MROH2A: variants seen among roughly 807,000 people sequenced by gnomAD.
MROH2A encodes the protein maestro heat like repeat family member 2A.
In MROH2A, 174 loss-of-function variants were observed where a neutral mutation model predicts 200.4. The ratio of observed to expected loss-of-function variants is 0.87; its 90% CI spans 0.77 to 0.98. The LOEUF is 0.98. MROH2A is among the 50% of genes least tolerant of loss of function. The pLI, the probability that MROH2A is intolerant of heterozygous loss-of-function variation, is 0.00. For missense variants in MROH2A, 2,045 were observed against 2,139.6 expected (o/e 0.96, Z 0.87); for synonymous variants, 829 against 840.4 (o/e 0.99, Z 0.23).
At chr2:233,804,592 A>C in intron 18 of MROH2A, 45 bp downstream of exon 18, 1 of 1,528,392 alleles carries the variant, frequency 6.5e-7, no homozygotes, top group Non-Finnish European at 8.9e-7. Flanking sequence ...GAGGAGAAAG[A>C]TGGGAGCAGA....
chr2:233,787,939 A>G (rs1372057170), intron 3 of MROH2A, among the ~76,000 whole-genome samples: 1 of 87,850 alleles, frequency 1.1e-5, no homozygotes, highest in Non-Finnish European at 1.9e-5. Context: ...TATTATATAT[A>G]CATATATATT....
Position 233,828,870 on chromosome 2 carries a change from G to A in MROH2A, c.4264-20G>A. 3 of 1,550,362 alleles carry A rather than the reference G, an allele frequency of 1.9e-6. No homozygotes were observed. The highest frequency in any genetic ancestry group is 8.7e-7 in the Non-Finnish European group (1 of 1,146,932). ...CCTGGGAGGGAGGGTGCAGGCTGAG[G>A]GCTGCCCATGCCCCTCCAGGTGAAG... On this transcript the variant is annotated intron_variant, in intron 36 of 41. Coordinates refer to ENST00000389758, the MANE Select transcript of MROH2A (RefSeq NM_001394639.1). The surrounding 1 kb of genome is among the most constrained non-coding windows in gnomAD (Gnocchi z 4.6).
chr2:233,819,260 T>A (rs535895599), intron 29 of MROH2A, 57 bp from the exon 30 acceptor site: 2 of 1,491,754 alleles, frequency 1.3e-6, no homozygotes, highest in Non-Finnish European at 1.8e-6. Flanking sequence ...GAGGAGAGAG[T>A]GTCAGCAGTC....
chr2:233,812,784 A>C (rs1703251795), intron 24 of MROH2A, among the ~76,000 whole-genome samples: 1 of 152,236 alleles, frequency 6.6e-6, no homozygotes, highest in Admixed American at 6.5e-5. Flanking sequence ...AGGGGCTACT[A>C]ACAAAAGCAA....
intron 8 of MROH2A, among the ~76,000 whole-genome samples, chr2:233,794,902 A>G (rs1702008313): frequency 1.3e-5 from 2 of 152,136 alleles, no homozygotes; most frequent in African/African-American, 4.8e-5. Flanking sequence ...TGAAGGCTCT[A>G]AGGAAGCAAG....
chr2:233,792,335 T>G (rs551400273), intron 5 of MROH2A, among the ~76,000 whole-genome samples: 17 of 149,134 alleles, frequency 1.1e-4, no homozygotes, highest in African/African-American at 4.3e-4. Flanking sequence ...TTTTTTGAGA[T>G]GGAGTCATGC....
intron 1 of MROH2A, among the ~76,000 whole-genome samples, chr2:233,778,769 T>A (rs1700791060): frequency 6.6e-6 from 1 of 152,222 alleles, no homozygotes; most frequent in Non-Finnish European, 1.5e-5. Flanking sequence ...GCGAGAGGGC[T>A]CTATTAAACT....
chr2:233,821,249 G>A (rs17868360), intron 31 of MROH2A, among the ~76,000 whole-genome samples: 66,871 of 152,020 alleles, frequency 0.44, 16,039 homozygotes, highest in South Asian at 0.58. Context: ...TGTCTTCCAG[G>A]ATTGTGTCAT....
chr2:233,811,064 A>G, intron 23 of MROH2A, 148 bp downstream of exon 23: 4 of 894,860 alleles, frequency 4.5e-6, no homozygotes, highest in Non-Finnish European at 6.6e-6. Context: ...TAACTGTAGG[A>G]GTTCTGAGAA....
At position 233,828,669 on chromosome 2, in the gene MROH2A, AAGCCGGCAGCTTTGCTGCTGG is replaced by A. The variant is rs764592426; in HGVS notation, c.4156_4176del (p.Pro1386_Glu1392del). 9.7e-6 allele frequency: 15 copies of A among 1,550,676 alleles called. No individual in the cohort carries two copies. Among genetic ancestry groups the A allele is most frequent in the South Asian group, 4.8e-5 (4 of 84,070 alleles). On this transcript the variant is annotated inframe_deletion, in exon 36 of 42. Transcript: ENST00000389758. The surrounding 1 kb of genome is among the most constrained non-coding windows in gnomAD (Gnocchi z 4.6). ...AGTTCTGTACCAGGAGAAGCTGCTGAAGCCGGCAGCTTTGCTGCTGGAGAAGGGTGCCGACCAGGAGGAAGA... is the reference window on the plus strand; with the variant it reads ...AGTTCTGTACCAGGAGAAGCTGCTGAAGAAGGGTGCCGACCAGGAGGAAGA...
intron 26 of MROH2A, among the ~76,000 whole-genome samples, chr2:233,816,499 C>T (rs1440414334): frequency 6.6e-6 from 1 of 152,194 alleles, no homozygotes; most frequent in Non-Finnish European, 1.5e-5. Context: ...GCCTCTGGGG[C>T]CATCTGGAGT....
At chr2:233,782,680 C>T (rs1351077186) in intron 3 of MROH2A, among the ~76,000 whole-genome samples, 2 of 152,082 alleles carry the variant, frequency 1.3e-5, no homozygotes, top group Admixed American at 6.6e-5. Context: ...TTGACTTCTT[C>T]CTTTCTATTT....
chr2:233,825,676 G>A (rs899290830), intron 35 of MROH2A, among the ~76,000 whole-genome samples: 2 of 152,146 alleles, frequency 1.3e-5, no homozygotes, highest in Admixed American at 6.5e-5. Context: ...CTACTTGATC[G>A]TGGTGGATGA....
intron 3 of MROH2A, among the ~76,000 whole-genome samples, chr2:233,780,977 G>T (rs116788146): frequency 6.6e-6 from 1 of 152,254 alleles, no homozygotes; most frequent in African/African-American, 2.4e-5. Context: ...ATATGAGTGA[G>T]AACATGTGGT....
Position 233,816,775 on chromosome 2 carries a change from C to G in MROH2A, c.2857-6C>G. The stretch of plus-strand genomic sequence containing the variant: ...CCCACTTTGGTGTTCTGGGCTCTAC[C>G]CATAGCTCCTGGAAAAGTGGATCTT... On this transcript the variant is annotated splice_polypyrimidine_tract_variant and splice_region_variant and intron_variant, in intron 26 of 41. Coordinates refer to ENST00000389758, the MANE Select transcript of MROH2A (RefSeq NM_001394639.1). The G allele has an allele frequency of 6.5e-7, 1 of 1,547,310 alleles. No individual in the cohort carries two copies. Among genetic ancestry groups the G allele is most frequent in the Non-Finnish European group, 8.7e-7 (1 of 1,144,214 alleles).
intron 35 of MROH2A, among the ~76,000 whole-genome samples, chr2:233,826,035 C>T (rs1168622741): frequency 6.7e-6 from 1 of 149,744 alleles, no homozygotes; most frequent in African/African-American, 2.5e-5. Context: ...AGCAATTCTC[C>T]TGCCTCAGCC....
rs1278939038 is a variant in MROH2A, at chr2:233,828,621, C to T, written c.4114-9C>T. 3.2e-6 allele frequency: 5 copies of T among 1,550,380 alleles called. No individual in the cohort carries two copies. In the South Asian group the frequency reaches 5.9e-5, roughly 18 times the overall value. ...CCTGGGGATAACTGCCCAATGTCCTCCCTTCCAGTTCATGAGCGGCCCAGT... is the reference window on the plus strand; with the variant it reads ...CCTGGGGATAACTGCCCAATGTCCTTCCTTCCAGTTCATGAGCGGCCCAGT... On this transcript the variant is annotated splice_polypyrimidine_tract_variant and intron_variant, in intron 35 of 41. Coordinates refer to ENST00000389758, the MANE Select transcript of MROH2A (RefSeq NM_001394639.1). This position sits in a 1 kb window ranked among gnomAD's most constrained non-coding sequence, Gnocchi z 4.6.
At chr2:233,810,186 G>T (rs1435459818) in intron 22 of MROH2A, among the ~76,000 whole-genome samples, 1 of 152,190 alleles carries the variant, frequency 6.6e-6, no homozygotes, top group Non-Finnish European at 1.5e-5. Context: ...TGGGAAGGTG[G>T]CATCTTCCGT....
Position 233,807,516 on chromosome 2 carries a change from G to A in MROH2A, c.2146G>A (p.Asp716Asn). The change falls in exon 20 of 42, where the codon GAC becomes AAC. Residue 716 changes from aspartate (D) to asparagine (N), a missense_variant. Around this residue, in one of 3 missense-constraint regions of MROH2A, gnomAD observed 1,201 missense variants for 1,311.3 expected, o/e 0.92. Transcript: ENST00000389758. This position sits in a 1 kb window ranked among gnomAD's most constrained non-coding sequence, Gnocchi z 4.3. ...VLLLELLYKT[D>N]YSNDFDSEGV... ...GCTGTTGGAGCTGCTGTACAAGACG[G>A]ACTACAGCAATGACTTTGACAGCGA... 6.4e-7 allele frequency: 1 copy of A among 1,550,622 alleles called. No homozygotes were observed. The highest frequency in any genetic ancestry group is 8.7e-7 in the Non-Finnish European group (1 of 1,147,016).
Sources: allele counts gnomAD v4.1 joint callset (sites outside exome capture counted in the v4.1 genomes callset), GRCh38; gene constraint gnomAD v4.1.1; regional missense constraint gnomAD v4.1.1; non-coding constraint Gnocchi (gnomAD v3.1); transcripts MANE v1.5; gene names NCBI Gene and HGNC (gene_info 2026-07-23, HGNC 2026-07-21).